Variants in CDYL observed in about 807,000 individuals in gnomAD.
CDYL encodes the protein chromodomain Y-like protein.
CDYL carries 8 observed loss-of-function variants against 47.3 expected under a neutral mutation model. The observed-to-expected ratio is 0.17, with a 90% confidence interval of 0.10 to 0.31. The LOEUF is 0.31. CDYL is among the 10% of genes least tolerant of loss of function. The pLI is 1.00. For missense variants in CDYL, 471 were observed against 701.4 expected, an observed-to-expected ratio of 0.67 and a Z score of 3.71; for synonymous variants, 266 against 265.0, an observed-to-expected ratio of 1.00 and a Z score of -0.04.
intron 5 of CDYL, among the ~76,000 whole-genome samples, chr6:4,949,659 G>T (rs1467524757): frequency 6.6e-6 from 1 of 152,204 alleles, no homozygotes; most frequent in Non-Finnish European, 1.5e-5. Flanking sequence ...GGTTCCCACC[G>T]CCTGCATCTG....
chr6:4,939,812 A>G (rs936762677), intron 4 of CDYL, among the ~76,000 whole-genome samples: 8 of 152,226 alleles, frequency 5.3e-5, no homozygotes, highest in Non-Finnish European at 7.3e-5. Context: ...CATGCCTCCT[A>G]TGGTCACTTT....
rs143123878 is a variant in CDYL at position 4,808,108 on chromosome 6, T to A, written c.24+31301T>A. On this transcript the variant is annotated intron_variant, in intron 1 of 6. Transcript: ENST00000397588. ...AGGGTGCATCTTGAATTTTCTTTGC[T>A]CCAGCTCTGGAGTCAGGCACTTGAG... 4.1e-3 allele frequency among the ~76,000 whole-genome samples: 622 copies of A among 152,294 alleles called. 1 individual carries two copies. The highest frequency in any genetic ancestry group is 0.014 in the African/African-American group (580 of 41,548).
chr6:4,766,176 A>G (rs543872093), intron 3 of CDYL, among the ~76,000 whole-genome samples: 1 of 152,162 alleles, frequency 6.6e-6, no homozygotes, highest in Non-Finnish European at 1.5e-5. Flanking sequence ...TGACACAGAA[A>G]GAAATAGAAA....
chr6:4,904,030 G>T (rs1757150646), intron 2 of CDYL, among the ~76,000 whole-genome samples: 1 of 152,190 alleles, frequency 6.6e-6, no homozygotes, highest in Admixed American at 6.5e-5. Context: ...TCAAGAAAGA[G>T]CCCTCGTTTC....
chr6:4,828,850 C>T (rs1760054977), intron 1 of CDYL, among the ~76,000 whole-genome samples: 1 of 151,852 alleles, frequency 6.6e-6, no homozygotes, highest in African/African-American at 2.4e-5. Flanking sequence ...ATTGTGCTAT[C>T]TTCAAGTTCG....
intron 1 of CDYL, among the ~76,000 whole-genome samples, chr6:4,862,232 G>A (rs892345682): frequency 6.6e-6 from 1 of 152,208 alleles, no homozygotes; most frequent in Non-Finnish European, 1.5e-5. Flanking sequence ...GGCATAGTCT[G>A]TAGGTTTTAG....
At chr6:4,752,776 C>A (rs560207112) in intron 3 of CDYL, among the ~76,000 whole-genome samples, 22 of 151,972 alleles carry the variant, frequency 1.4e-4, no homozygotes, top group Admixed American at 7.9e-4. Context: ...CGGCGAGGAC[C>A]AAATTAGACA....
At chr6:4,793,813 G>T (rs1283393830) in intron 1 of CDYL, among the ~76,000 whole-genome samples, 5 of 152,134 alleles carry the variant, frequency 3.3e-5, no homozygotes, top group Admixed American at 3.3e-4. Flanking sequence ...GGATATGAGG[G>T]AATGAGAAGG....
At chr6:4,778,412 C>A (rs943662841) in intron 1 of CDYL, among the ~76,000 whole-genome samples, 5 of 152,170 alleles carry the variant, frequency 3.3e-5, no homozygotes, top group African/African-American at 1.2e-4. Flanking sequence ...ATATTATGAA[C>A]TAAGTTTAGT....
intron 1 of CDYL, among the ~76,000 whole-genome samples, chr6:4,794,058 T>C (rs1759003272): frequency 6.6e-6 from 1 of 152,124 alleles, no homozygotes; most frequent in Non-Finnish European, 1.5e-5. Flanking sequence ...GAGAGAATTT[T>C]AGGAGTTATC....
intron 1 of CDYL, among the ~76,000 whole-genome samples, chr6:4,878,474 A>G (rs912863211): frequency 7.9e-5 from 12 of 151,926 alleles, no homozygotes; most frequent in Non-Finnish European, 4.4e-5. Context: ...TAAAATAGCC[A>G]TATATGTATA....
At position 4,927,428 on chromosome 6, in the gene CDYL, C is replaced by CGTGTGTGTGTGTGTGTGT. The variant is rs35317751; in HGVS notation, c.692-8072_692-8055dup. ...CATTCCATCATTCGAATTTACTGTACGTGTGTGTGTGTGTGTGTGTGTGTG... is the reference window on the plus strand; with the variant it reads ...CATTCCATCATTCGAATTTACTGTACGTGTGTGTGTGTGTGTGTGTGTGTGTGTGTGTGTGTGTGTGTG... On this transcript the variant is annotated intron_variant, in intron 2 of 6. Transcript: ENST00000397588. Among the ~76,000 whole-genome samples, 1,333 of 142,516 alleles carry CGTGTGTGTGTGTGTGTGT rather than the reference C, an allele frequency of 9.4e-3. 16 individuals carry two copies. The highest frequency in any genetic ancestry group is 0.018 in the African/African-American group (681 of 37,134). The allele number at this position is 142,516 out of a possible 152,430, so 93.5% of individuals were successfully genotyped here. A position where few individuals can be genotyped will look rare whatever the true frequency, so the allele number is the denominator to read the frequency against.
chr6:4,922,938 T>C (rs1757759894), intron 2 of CDYL, among the ~76,000 whole-genome samples: 1 of 152,152 alleles, frequency 6.6e-6, no homozygotes, highest in Admixed American at 6.5e-5. Context: ...GGGAGCTTTT[T>C]TCCCCCCTTT....
intron 1 of CDYL, among the ~76,000 whole-genome samples, chr6:4,830,204 C>T (rs1222538367): frequency 3.3e-5 from 5 of 152,198 alleles, no homozygotes; most frequent in African/African-American, 7.2e-5. Flanking sequence ...GGCTTATCAC[C>T]GCACTACCCA....
At chr6:4,756,166 C>T (rs1294034443) in intron 3 of CDYL, among the ~76,000 whole-genome samples, 1 of 152,220 alleles carries the variant, frequency 6.6e-6, no homozygotes, top group Admixed American at 6.5e-5. Flanking sequence ...TGAATGGCCA[C>T]TGAACAACCT....
At chr6:4,736,469 C>A (rs865949989) in intron 3 of CDYL, among the ~76,000 whole-genome samples, 1 of 152,150 alleles carries the variant, frequency 6.6e-6, no homozygotes, top group African/African-American at 2.4e-5. Context: ...GACAAAGAAC[C>A]CTTGCACTAG....
intron 2 of CDYL, among the ~76,000 whole-genome samples, chr6:4,917,762 T>G (rs1008250595): frequency 2.0e-5 from 3 of 152,070 alleles, no homozygotes; most frequent in African/African-American, 7.3e-5. Context: ...AAGGTTGAAG[T>G]AGACATGATG....
intron 3 of CDYL, among the ~76,000 whole-genome samples, chr6:4,737,573 G>A (rs1757725189): frequency 6.6e-6 from 1 of 151,896 alleles, no homozygotes; most frequent in African/African-American, 2.4e-5. Context: ...CTTGAAACTG[G>A]GAGGTGGAGG....
At chr6:4,761,077 G>A (rs1014933253) in intron 3 of CDYL, among the ~76,000 whole-genome samples, 1 of 152,050 alleles carries the variant, frequency 6.6e-6, no homozygotes, top group East Asian at 1.9e-4. Flanking sequence ...TTATAGAAAT[G>A]TTCAAAGTAA....
Sources: allele counts gnomAD v4.1 joint callset (sites outside exome capture counted in the v4.1 genomes callset), GRCh38; gene constraint gnomAD v4.1.1; transcripts MANE v1.5; gene names NCBI Gene and HGNC (gene_info 2026-07-23, HGNC 2026-07-21).